FGD4: variants seen among roughly 807,000 people sequenced by gnomAD.
FGD4 encodes the protein FYVE, RhoGEF and PH domain-containing protein 4.
A neutral mutation model predicts 102.0 loss-of-function variants in FGD4; 42 were observed. The ratio of observed to expected loss-of-function variants is 0.41; its 90% CI spans 0.32 to 0.53. FGD4 has a LOEUF of 0.53. Among genes scored for constraint, FGD4 ranks in the 20% least tolerant of loss-of-function variants. The probability of loss-of-function intolerance (pLI) is 0.21; values close to 1 mark genes in which losing one functional copy is unlikely to be tolerated. For synonymous variants in FGD4, 380 were observed against 375.7 expected (o/e 1.01, Z -0.13); for missense variants, 902 against 1,078.2 (o/e 0.84, Z 2.29).
chr12:32,631,835 A>T (rs554638300), intron 14 of FGD4, among the ~76,000 whole-genome samples: 2 of 152,264 alleles, frequency 1.3e-5, no homozygotes, highest in East Asian at 3.9e-4. Flanking sequence ...TAAGACTTTT[A>T]AAAATCTGTC....
Position 32,602,325 on chromosome 12 carries a change from G to A in FGD4, c.1404+8G>A, listed in dbSNP as rs12823621. ...GTGGTTGAAGAAATTCAGGTAATAG[G>A]ACTGTTTTGTTCAAAGCTATGAATT... On this transcript the variant is annotated splice_region_variant and intron_variant, in intron 7 of 16. Transcript: ENST00000534526. 0.091 allele frequency: 146,383 copies of A among 1,613,464 alleles called. 7,758 individuals carry two copies. Among genetic ancestry groups the A allele is most frequent in the Non-Finnish European group, 0.1 (121,227 of 1,179,554 alleles).
intron 1 of FGD4, among the ~76,000 whole-genome samples, chr12:32,501,508 T>C (rs1036139402): frequency 6.6e-6 from 1 of 152,192 alleles, no homozygotes; most frequent in Non-Finnish European, 1.5e-5. Context: ...AATTAAGATA[T>C]TTTAATCCTG....
chr12:32,640,456 G>GA lies in FGD4; in HGVS notation c.2636dup (p.Thr880AspfsTer7), dbSNP rs771258456. 1.9e-6 allele frequency: 3 copies of GA among 1,614,034 alleles called. No individual in the cohort carries two copies. The highest frequency in any genetic ancestry group is 2.5e-6 in the Non-Finnish European group (3 of 1,180,040). On this transcript the variant is annotated frameshift_variant, in exon 17 of 17. Transcript: ENST00000534526. LOFTEE classifies it high-confidence loss of function. ...AGTCATCCTTTTAGCTGTCACAGGT[G>GA]AGACACCAGGTGGTCCAAATGAGCA...
chr12:32,413,646 G>T (rs1941292586), intron 1 of FGD4, among the ~76,000 whole-genome samples: 1 of 152,160 alleles, frequency 6.6e-6, no homozygotes, highest in South Asian at 2.1e-4. Flanking sequence ...TATGCATCTG[G>T]TGGGAGCAGC....
intron 8 of FGD4, among the ~76,000 whole-genome samples, chr12:32,608,444 A>G (rs983065125): frequency 1.3e-5 from 2 of 152,254 alleles, no homozygotes; most frequent in African/African-American, 4.8e-5. Context: ...GTTTAATTAG[A>G]TAGGTTGGTG....
At chr12:32,622,079 G>T (rs1949875970) in intron 11 of FGD4, among the ~76,000 whole-genome samples, 1 of 151,866 alleles carries the variant, frequency 6.6e-6, no homozygotes, top group South Asian at 2.1e-4. Flanking sequence ...GTGTAGATGG[G>T]GTTTCGCCAT....
At position 32,585,834 on chromosome 12, in the gene FGD4, CAAAAAAAAAAAA is replaced by C. The variant is rs58688697; in HGVS notation, c.1011+3382_1011+3393del. ...GGGCCACAGAGCTGAGACCTTGTCT[CAAAAAAAAAAAA>C]AAAAAAAAAAAAAAGGGAAATGCAG... On this transcript the variant is annotated intron_variant, in intron 4 of 16. Coordinates refer to ENST00000534526, the MANE Select transcript of FGD4 (RefSeq NM_001370298.3). 7.8e-3 allele frequency among the ~76,000 whole-genome samples: 539 copies of C among 68,838 alleles called. 9 individuals are homozygous for C. Among genetic ancestry groups the C allele is most frequent in the African/African-American group, 0.028 (494 of 17,528 alleles). 45.2% of individuals were successfully genotyped at this position (68,838 alleles called of 152,430 possible).
chr12:32,504,651 A>T (rs1399148470), intron 1 of FGD4, among the ~76,000 whole-genome samples: 3 of 152,194 alleles, frequency 2.0e-5, no homozygotes, highest in Non-Finnish European at 4.4e-5. Flanking sequence ...CTTACTGACA[A>T]GCTTGTATTT....
At chr12:32,604,549 A>G (rs554449057) in intron 7 of FGD4, among the ~76,000 whole-genome samples, 8 of 152,186 alleles carry the variant, frequency 5.3e-5, no homozygotes, top group South Asian at 2.1e-4. Flanking sequence ...TTTCTTTTCA[A>G]TTACTGTATT....
At chr12:32,585,307 A>T (rs1350689170) in intron 4 of FGD4, among the ~76,000 whole-genome samples, 1 of 148,550 alleles carries the variant, frequency 6.7e-6, no homozygotes, top group African/African-American at 2.5e-5. Context: ...TGAACGGTGA[A>T]CTCAGAAAAT....
intron 1 of FGD4, among the ~76,000 whole-genome samples, chr12:32,409,436 C>T (rs181499311): frequency 1.3e-4 from 20 of 152,060 alleles, no homozygotes; most frequent in Admixed American, 9.8e-4. Context: ...CTACAGGCGC[C>T]TGCCACCACA....
chr12:32,494,526 G>A (rs1266364764), intron 1 of FGD4, among the ~76,000 whole-genome samples: 1 of 152,206 alleles, frequency 6.6e-6, no homozygotes, highest in East Asian at 1.9e-4. Flanking sequence ...AAAGTGAATT[G>A]CTGTGCAGTA....
chr12:32,477,704 C>T (rs1943617470), intron 1 of FGD4, among the ~76,000 whole-genome samples: 1 of 152,140 alleles, frequency 6.6e-6, no homozygotes, highest in African/African-American at 2.4e-5. Context: ...CTTCCACACA[C>T]TCCCCTCCTC....
At chr12:32,421,917 G>A (rs1941639860) in intron 1 of FGD4, among the ~76,000 whole-genome samples, 1 of 151,888 alleles carries the variant, frequency 6.6e-6, no homozygotes, top group Non-Finnish European at 1.5e-5. Flanking sequence ...GAGGCAGGCG[G>A]ATCATGAGGT....
intron 5 of FGD4, chr12:32,600,412 A>G (rs1301210204): frequency 1.6e-6 from 2 of 1,284,254 alleles, no homozygotes; most frequent in South Asian, 2.5e-5. Flanking sequence ...CTCTCAAGAA[A>G]ATAGAGTGGA....
intron 1 of FGD4, among the ~76,000 whole-genome samples, chr12:32,504,333 G>A (rs1218216382): frequency 2.0e-5 from 3 of 152,110 alleles, no homozygotes; most frequent in Non-Finnish European, 2.9e-5. Context: ...GGGTACCTAC[G>A]GGACAGGAGT....
At chr12:32,619,253 T>G (rs1370389427) in intron 10 of FGD4, among the ~76,000 whole-genome samples, 4 of 152,180 alleles carry the variant, frequency 2.6e-5, no homozygotes, top group African/African-American at 7.2e-5. Flanking sequence ...CTCAGTGTTT[T>G]AGTAAATAAT....
intron 2 of FGD4, 25 bp downstream of exon 2, chr12:32,564,314 C>T (rs763157739): frequency 6.1e-5 from 94 of 1,533,206 alleles, no homozygotes; most frequent in Admixed American, 1.2e-4. Flanking sequence ...AGTTTGTGTT[C>T]GGGGTGGGTA....
At chr12:32,567,486 T>TG (rs1444207116) in intron 2 of FGD4, among the ~76,000 whole-genome samples, 1 of 152,094 alleles carries the variant, frequency 6.6e-6, no homozygotes, top group African/African-American at 2.4e-5. Context: ...AGTTGCTACT[T>TG]GCAGCCAGTG....
Sources: gnomAD v4.1 joint callset for allele counts (sites outside exome capture counted in the v4.1 genomes callset) on GRCh38, gnomAD v4.1.1 for gene constraint, MANE v1.5 for transcripts, NCBI Gene and HGNC (gene_info 2026-07-23, HGNC 2026-07-21) for gene names.